Variants in PKHD1L1 observed in about 807,000 individuals in gnomAD.
The protein encoded by PKHD1L1 is fibrocystin-L.
A neutral mutation model predicts 462.9 loss-of-function variants in PKHD1L1; 434 were observed. That is an observed-to-expected ratio of 0.94 (90% CI 0.87 to 1.02). The LOEUF is 1.02. Among genes scored for constraint, PKHD1L1 ranks in the 50% least tolerant of loss-of-function variants. The pLI is 0.00. For synonymous variants in PKHD1L1, 1,781 were observed against 1,750.0 expected, an observed-to-expected ratio of 1.02 and a Z score of -0.44; for missense variants, 5,202 against 5,096.1, an observed-to-expected ratio of 1.02 and a Z score of -0.63.
rs186789051 is a variant in PKHD1L1, at chr8:109,384,452, A to G, written c.475+325A>G. On this transcript the variant is annotated intron_variant, in intron 5 of 77. Transcript: ENST00000378402. ...CAGCTACTCCGGAGGCTGAGGCGAG[A>G]GGATCACTTGAGCCCAGGAGTGTGA... 3.0e-3 allele frequency among the ~76,000 whole-genome samples: 451 copies of G among 152,224 alleles called. 2 individuals carry two copies. Among genetic ancestry groups the G allele is most frequent in the Non-Finnish European group, 4.7e-3 (319 of 68,016 alleles).
In PKHD1L1 at chr8:109,449,326, T is replaced by C. The variant is rs776542216; in HGVS notation, c.6026-12T>C. 5.2e-6 allele frequency: 8 copies of C among 1,551,604 alleles called. No homozygotes were observed. The African/African-American group carries it at 9.6e-5, about 19-fold the overall frequency. On this transcript the variant is annotated splice_polypyrimidine_tract_variant and intron_variant, in intron 39 of 77. Coordinates refer to ENST00000378402, the MANE Select transcript of PKHD1L1 (RefSeq NM_177531.6). ...ATTAGCTTTGTTTTTCCTTTTTATT[T>C]GTCTTCACTAGGGAGCTTTGGTGGG...
chr8:109,392,414 T>C (rs1261885908), intron 9 of PKHD1L1, among the ~76,000 whole-genome samples: 3 of 152,114 alleles, frequency 2.0e-5, no homozygotes, highest in Admixed American at 6.5e-5. Flanking sequence ...AATTTAGAAA[T>C]GCCAGGAAAT....
intron 55 of PKHD1L1, 114 bp downstream of exon 55, chr8:109,480,253 G>T (rs183372370): frequency 2.1e-5 from 24 of 1,122,288 alleles, no homozygotes; most frequent in Middle Eastern, 2.9e-4. Flanking sequence ...AACACAACTG[G>T]CTCTATCCCA....
intron 34 of PKHD1L1, 87 bp downstream of exon 34, chr8:109,441,466 T>C (rs1586518831): frequency 2.4e-6 from 2 of 820,240 alleles, no homozygotes; most frequent in East Asian, 5.8e-5. Flanking sequence ...TTTCAAATTA[T>C]TGAGAGACTA....
chr8:109,364,883 C>A (rs901388568), intron 2 of PKHD1L1, among the ~76,000 whole-genome samples: 2 of 152,054 alleles, frequency 1.3e-5, no homozygotes, highest in Non-Finnish European at 2.9e-5. Flanking sequence ...AATGACTGAA[C>A]TAAAAGGAAT....
intron 21 of PKHD1L1, among the ~76,000 whole-genome samples, chr8:109,413,967 G>A (rs1055661218): frequency 6.6e-6 from 1 of 152,058 alleles, no homozygotes; most frequent in Admixed American, 6.6e-5. Flanking sequence ...AATGCTTGCT[G>A]TGCCAAAAGT....
In PKHD1L1 at chr8:109,400,235, G is replaced by A. The variant is rs199557734; in HGVS notation, c.1172G>A (p.Arg391His). The change falls in exon 13 of 78, where the codon CGC becomes CAC. Residue 391 changes from arginine (R) to histidine (H), a missense_variant. Transcript: ENST00000378402. The part of the protein sequence containing the change: ...WLMEQDTFVA[R>H]FSGFLVAPDS... ...ATGGAACAAGACACATTTGTTGCAC[G>A]CTTTAGTGGATTTTTGGTGGCTCCA... The A allele has an allele frequency of 3.0e-4, 476 of 1,613,492 alleles. No individual in the cohort carries two copies. Among genetic ancestry groups the A allele is most frequent in the Non-Finnish European group, 3.7e-4 (432 of 1,179,676 alleles).
At chr8:109,457,659 A>G (rs1409041335) in intron 46 of PKHD1L1, among the ~76,000 whole-genome samples, 1 of 152,188 alleles carries the variant, frequency 6.6e-6, no homozygotes, top group African/African-American at 2.4e-5. Context: ...TTGGAATGGT[A>G]TTAGTAAGGA....
Position 109,408,222 on chromosome 8 carries a change from G to A in PKHD1L1, c.1971+16G>A, listed in dbSNP as rs1813662975. ...AGAAGCTGAAGTACGGTGTAGGAAT[G>A]TTTCTACCACGCATTTTCCCTGCAC... On this transcript the variant is annotated intron_variant, in intron 18 of 77. Coordinates refer to ENST00000378402, the MANE Select transcript of PKHD1L1 (RefSeq NM_177531.6). The A allele has an allele frequency of 1.2e-6, 2 of 1,603,494 alleles. No homozygotes were observed. The highest frequency in any genetic ancestry group is 1.7e-6 in the Non-Finnish European group (2 of 1,173,664).
At chr8:109,425,022 A>G (rs1051180967) in intron 23 of PKHD1L1, 63 bp from the exon 24 acceptor site, 12 of 1,313,636 alleles carry the variant, frequency 9.1e-6, no homozygotes, top group Non-Finnish European at 1.2e-5. Flanking sequence ...CCATGATGAA[A>G]TAGAAATCAT....
chr8:109,432,937 A>G (rs1266710409), intron 27 of PKHD1L1, among the ~76,000 whole-genome samples, 169 bp from the exon 28 acceptor site: 1 of 152,270 alleles, frequency 6.6e-6, no homozygotes, highest in Non-Finnish European at 1.5e-5. Flanking sequence ...TAATGGAAAT[A>G]AAATGCCATT....
chr8:109,440,603 A>T, intron 32 of PKHD1L1, 107 bp from the exon 33 acceptor site: 1 of 978,402 alleles, frequency 1.0e-6, no homozygotes, highest in Non-Finnish European at 1.5e-6. Context: ...ATGTACAGTT[A>T]AATATCCAGT....
rs1818104154 is a variant in PKHD1L1, at chr8:109,478,362, A to G, written c.9089+966A>G. 3.3e-5 allele frequency among the ~76,000 whole-genome samples: 5 copies of G among 152,160 alleles called. No individual in the cohort carries two copies. In the South Asian group the frequency reaches 1.0e-3, roughly 31 times the overall value. Reference sequence around the variant, plus strand: ...TCTCATTACACTCATATTCAATCCAAAGAGATGACAAAACAAGCAAACAAA... The same window carrying G: ...TCTCATTACACTCATATTCAATCCAGAGAGATGACAAAACAAGCAAACAAA... On this transcript the variant is annotated intron_variant, in intron 53 of 77. Coordinates refer to ENST00000378402, the MANE Select transcript of PKHD1L1 (RefSeq NM_177531.6).
At chr8:109,459,942 C>A in intron 47 of PKHD1L1, 106 bp downstream of exon 47, 2 of 915,580 alleles carry the variant, frequency 2.2e-6, no homozygotes, top group Non-Finnish European at 3.0e-6. Context: ...TTGTAAATAT[C>A]ATTAAATATA....
intron 25 of PKHD1L1, among the ~76,000 whole-genome samples, chr8:109,428,006 A>T (rs1814859377): frequency 7.3e-6 from 1 of 137,694 alleles, no homozygotes; most frequent in African/African-American, 2.6e-5. Flanking sequence ...CTGGGCAACA[A>T]GAGCAAAACT....
intron 46 of PKHD1L1, 116 bp from the exon 47 acceptor site, chr8:109,459,479 A>T (rs898414952): frequency 1.4e-6 from 1 of 731,686 alleles, no homozygotes; most frequent in South Asian, 3.1e-5. Context: ...ATTATATGAC[A>T]TAAGAATAGT....
At position 109,400,322 on chromosome 8, in the gene PKHD1L1, A is replaced by G; in HGVS notation, c.1259A>G (p.Gln420Arg). ...GACCGTTATGCTATTTATTTTAGCC[A>G]GACTGGACTTCCAGAAGATAAGGTA... is the stretch of plus-strand genomic sequence containing the variant. ...GDDRYAIYFS[Q>R]TGLPEDKVRI... Residue 420 changes from glutamine to arginine, a missense_variant, in exon 13 of 78, where the codon CAG becomes CGG. Physicochemically the swap from Gln to Arg is conservative, Grantham distance 43 (BLOSUM62 1). Coordinates refer to ENST00000378402, the MANE Select transcript of PKHD1L1 (RefSeq NM_177531.6). 1 of 1,613,146 alleles carries G rather than the reference A, an allele frequency of 6.2e-7. No individual in the cohort carries two copies. The highest frequency in any genetic ancestry group is 8.5e-7 in the Non-Finnish European group (1 of 1,179,340).
chr8:109,531,188 T>C lies in PKHD1L1; in HGVS notation c.*1098T>C, dbSNP rs947410721. 6.6e-5 allele frequency among the ~76,000 whole-genome samples: 10 copies of C among 152,210 alleles called. No individual in the cohort carries two copies. The highest frequency in any genetic ancestry group is 3.9e-4 in the Admixed American group (6 of 15,288). ...TTGTCTCTTGTATAACATCTCCTAG[T>C]ACATTCACCTCAGATCATTGTTAGT... On this transcript the variant is annotated 3_prime_UTR_variant, in exon 78 of 78. Coordinates refer to ENST00000378402, the MANE Select transcript of PKHD1L1 (RefSeq NM_177531.6).
intron 63 of PKHD1L1, among the ~76,000 whole-genome samples, chr8:109,494,477 C>T (rs973259483): frequency 4.0e-5 from 6 of 151,752 alleles, no homozygotes; most frequent in African/African-American, 1.2e-4. Context: ...AGCAGAAAAC[C>T]GAAAGCCACT....
Sources: gnomAD v4.1 joint callset for allele counts (sites outside exome capture counted in the v4.1 genomes callset) on GRCh38, gnomAD v4.1.1 for gene constraint, MANE v1.5 for transcripts, NCBI Gene and HGNC (gene_info 2026-07-23, HGNC 2026-07-21) for gene names.